The following RUNX1 variants were observed in gnomAD, a reference collection of about 807,000 sequenced individuals.
The protein encoded by RUNX1 is RUNX family transcription factor 1, also known as runt-related transcription factor 1.
RUNX1 carries 19 observed loss-of-function variants against 42.8 expected under a neutral mutation model. The observed-to-expected ratio is 0.44, with a 90% CI of 0.31 to 0.65. RUNX1 has a LOEUF of 0.65. RUNX1 is among the 30% of genes least tolerant of loss of function. The pLI is 0.07. For synonymous variants in RUNX1, 271 were observed against 289.4 expected, an observed-to-expected ratio of 0.94 and a Z score of 0.64; for missense variants, 528 against 672.0, an observed-to-expected ratio of 0.79 and a Z score of 2.37.
At chr21:35,022,899 A>AATAATAATAATAATG (rs1417664858) in intron 2 of RUNX1, among the ~76,000 whole-genome samples, 1 of 149,590 alleles carries the variant, frequency 6.7e-6, no homozygotes, top group Non-Finnish European at 1.5e-5. Context: ...CTGTTTGAAT[A>AATAATAATAATAATG]ATAATAATAA....
In RUNX1 at chr21:34,876,393, G is replaced by C. The variant is rs184431289; in HGVS notation, c.508+4164C>G. Reference sequence around the variant, plus strand: ...TTGTACATGTATTTATTCATTTTCAGGTGTCTACTATATGCGGCATAGGGC... The same window carrying C: ...TTGTACATGTATTTATTCATTTTCACGTGTCTACTATATGCGGCATAGGGC... On this transcript the variant is annotated intron_variant, in intron 5 of 8. Coordinates refer to ENST00000675419, the MANE Select transcript of RUNX1 (RefSeq NM_001754.5). Among the ~76,000 whole-genome samples, 74 of 152,302 alleles carry C rather than the reference G, an allele frequency of 4.9e-4. 1 individual carries two copies. The highest frequency in any genetic ancestry group is 2.7e-3 in the Admixed American group (41 of 15,304).
chr21:34,846,384 G>A (rs774684607), intron 6 of RUNX1, among the ~76,000 whole-genome samples: 1 of 150,882 alleles, frequency 6.6e-6, no homozygotes, highest in African/African-American at 2.4e-5. Context: ...CACAATCTTT[G>A]TCTTCCCAGT....
At chr21:34,934,148 T>A (rs924924074) in intron 2 of RUNX1, among the ~76,000 whole-genome samples, 1 of 152,094 alleles carries the variant, frequency 6.6e-6, no homozygotes, top group Non-Finnish European at 1.5e-5. Flanking sequence ...TAGCTAAGTT[T>A]CTCATGAGCT....
chr21:35,012,686 C>G (rs1219293114), intron 2 of RUNX1, among the ~76,000 whole-genome samples: 1 of 152,030 alleles, frequency 6.6e-6, no homozygotes, highest in Non-Finnish European at 1.5e-5. Flanking sequence ...CTGAGCATGA[C>G]TTTGGACAAT....
chr21:34,875,228 G>C (rs763484986), intron 5 of RUNX1, among the ~76,000 whole-genome samples: 1 of 152,226 alleles, frequency 6.6e-6, no homozygotes, highest in Non-Finnish European at 1.5e-5. Context: ...CTTTAAGCAG[G>C]GCAGGGAGCA....
intron 7 of RUNX1, among the ~76,000 whole-genome samples, chr21:34,804,033 C>T (rs1381747001): frequency 3.3e-5 from 5 of 152,108 alleles, no homozygotes; most frequent in Non-Finnish European, 7.4e-5. Context: ...TTTCTTAAGT[C>T]CAATGGAAAG....
chr21:34,809,556 G>A (rs1294782889), intron 7 of RUNX1, among the ~76,000 whole-genome samples: 2 of 152,110 alleles, frequency 1.3e-5, no homozygotes, highest in African/African-American at 4.8e-5. Flanking sequence ...CTGATATCAA[G>A]AGGATTGTGC....
At chr21:34,842,862 T>C (rs959973692) in intron 6 of RUNX1, among the ~76,000 whole-genome samples, 1 of 151,334 alleles carries the variant, frequency 6.6e-6, no homozygotes, top group Non-Finnish European at 1.5e-5. Context: ...AGGTCAGGAG[T>C]TCGAGAGCAG....
chr21:34,855,713 A>C (rs1304221808), intron 6 of RUNX1, among the ~76,000 whole-genome samples: 1 of 152,098 alleles, frequency 6.6e-6, no homozygotes, highest in Non-Finnish European at 1.5e-5. Flanking sequence ...TGTCTCAAAA[A>C]CAAACAAACA....
At chr21:34,828,290 T>G (rs1569031325) in intron 7 of RUNX1, among the ~76,000 whole-genome samples, 1 of 152,242 alleles carries the variant, frequency 6.6e-6, no homozygotes, top group Non-Finnish European at 1.5e-5. Context: ...TTACCCCTAT[T>G]TTCTTGCCTG....
intron 2 of RUNX1, among the ~76,000 whole-genome samples, chr21:34,945,631 G>C (rs898413877): frequency 7.2e-5 from 11 of 152,144 alleles, no homozygotes. Context: ...TCCTTGAAAA[G>C]CTCTCTATCC....
At chr21:34,817,601 T>C (rs2056845513) in intron 7 of RUNX1, among the ~76,000 whole-genome samples, 1 of 152,106 alleles carries the variant, frequency 6.6e-6, no homozygotes, top group Non-Finnish European at 1.5e-5. Context: ...CTGGGAGATT[T>C]GTCGAGTTAC....
chr21:34,819,425 A>C (rs2056876567), intron 7 of RUNX1, among the ~76,000 whole-genome samples: 1 of 152,190 alleles, frequency 6.6e-6, no homozygotes, highest in Non-Finnish European at 1.5e-5. Flanking sequence ...TTCTTAGATA[A>C]GTTTCATTGA....
At chr21:35,035,705 G>A (rs1028772467) in intron 2 of RUNX1, among the ~76,000 whole-genome samples, 1 of 152,134 alleles carries the variant, frequency 6.6e-6, no homozygotes, top group Non-Finnish European at 1.5e-5. Flanking sequence ...CGACAACAGT[G>A]CGGAGGACAC....
At chr21:35,030,776 A>G (rs796241514) in intron 2 of RUNX1, among the ~76,000 whole-genome samples, 18 of 152,354 alleles carry the variant, frequency 1.2e-4, no homozygotes, top group African/African-American at 4.3e-4. Context: ...ATTCAACAGA[A>G]TAAAGACAAA....
At chr21:34,865,476 G>T (rs1569067041) in intron 5 of RUNX1, among the ~76,000 whole-genome samples, 1 of 152,202 alleles carries the variant, frequency 6.6e-6, no homozygotes, top group African/African-American at 2.4e-5. Context: ...GCTCCTCACT[G>T]CAACATGTGT....
At chr21:34,991,863 G>T (rs1449741528) in intron 2 of RUNX1, among the ~76,000 whole-genome samples, 1 of 152,142 alleles carries the variant, frequency 6.6e-6, no homozygotes, top group Non-Finnish European at 1.5e-5. Context: ...CTTATAAGAA[G>T]AAAAAACGGA....
At chr21:34,982,980 G>T (rs2058858884) in intron 2 of RUNX1, among the ~76,000 whole-genome samples, 1 of 152,236 alleles carries the variant, frequency 6.6e-6, no homozygotes, top group Non-Finnish European at 1.5e-5. Flanking sequence ...TGTTGCCAAA[G>T]TCCACTATAT....
Position 34,792,724 on chromosome 21 carries a change from G to T in RUNX1, c.968-114C>A. On this transcript the variant is annotated intron_variant, in intron 8 of 8. Transcript: ENST00000675419. This position sits in a 1 kb window ranked among gnomAD's most constrained non-coding sequence, Gnocchi z 6.9. ...ATGATACCGCCTAGGAGGATGGGAA[G>T]CCACCCAGGATGCTACTGCTGGGGA... is the stretch of plus-strand genomic sequence containing the variant. 9.4e-7 allele frequency: 1 copy of T among 1,063,030 alleles called. No individual in the cohort carries two copies. The highest frequency in any genetic ancestry group is 1.3e-6 in the Non-Finnish European group (1 of 753,918). 65.8% of individuals were successfully genotyped at this position (1,063,030 alleles called of 1,614,324 possible). A position where few individuals can be genotyped will look rare whatever the true frequency, so the allele number is the denominator to read the frequency against.
Sources: gnomAD v4.1 joint callset for allele counts (sites outside exome capture counted in the v4.1 genomes callset) on GRCh38, gnomAD v4.1.1 for gene constraint, Gnocchi (gnomAD v3.1) non-coding constraint, MANE v1.5 for transcripts, NCBI Gene and HGNC (gene_info 2026-07-23, HGNC 2026-07-21) for gene names.